RPRD1A: variants seen among roughly 807,000 people sequenced by gnomAD.
RPRD1A encodes regulation of nuclear pre-mRNA domain-containing protein 1A.
RPRD1A carries 9 observed loss-of-function variants against 37.8 expected under a neutral mutation model. That is an observed-to-expected ratio of 0.24 (90% CI 0.14 to 0.42). RPRD1A has a LOEUF of 0.42. Among genes scored for constraint, RPRD1A ranks in the 10% least tolerant of loss-of-function variants. The pLI is 1.00. For synonymous variants in RPRD1A, 138 were observed against 139.7 expected, an observed-to-expected ratio of 0.99 and a Z score of 0.08; for missense variants, 255 against 371.0, an observed-to-expected ratio of 0.69 and a Z score of 2.57.
intron 6 of RPRD1A, among the ~76,000 whole-genome samples, chr18:36,021,193 G>A (rs561250822): frequency 2.0e-5 from 3 of 152,194 alleles, no homozygotes; most frequent in South Asian, 2.1e-4. Context: ...GCCATACCTC[G>A]TTTTATCATG....
intron 6 of RPRD1A, 70 bp from the exon 7 acceptor site, chr18:35,993,370 TA>T: frequency 6.6e-7 from 1 of 1,505,362 alleles, no homozygotes; most frequent in Non-Finnish European, 9.1e-7. Flanking sequence ...ATGACCTACA[TA>T]AACCCAGGTA....
intron 1 of RPRD1A, chr18:36,052,974 G>A (rs1207641983): frequency 1.3e-5 from 2 of 151,970 alleles, no homozygotes; most frequent in Non-Finnish European, 2.9e-5. Context: ...AAGTTTTAAA[G>A]AACCCATCTC....
At chr18:36,049,402 C>T (rs1342704584) in intron 1 of RPRD1A, among the ~76,000 whole-genome samples, 1 of 151,952 alleles carries the variant, frequency 6.6e-6, no homozygotes, top group Non-Finnish European at 1.5e-5. Context: ...ACCCATCACA[C>T]AATCAAAAAC....
chr18:36,060,644 C>T (rs1366784824), intron 1 of RPRD1A, among the ~76,000 whole-genome samples: 4 of 152,042 alleles, frequency 2.6e-5, no homozygotes, highest in Admixed American at 2.6e-4. Flanking sequence ...GGTAAACAAC[C>T]TGAAGGAGCC....
intron 6 of RPRD1A, among the ~76,000 whole-genome samples, chr18:36,007,024 TTCTG>T (rs772834873): frequency 7.0e-4 from 106 of 152,364 alleles, no homozygotes; most frequent in Non-Finnish European, 1.2e-3. Flanking sequence ...CTAGTTTTTC[TTCTG>T]TCTTTTTTTT....
chr18:36,027,389 T>C, intron 4 of RPRD1A, 79 bp from the exon 5 acceptor site: 2 of 1,483,660 alleles, frequency 1.3e-6, no homozygotes, highest in Non-Finnish European at 1.9e-6. Context: ...TATTCTTTCA[T>C]CCCTATGGGC....
At chr18:36,025,067 A>G (rs1342291292) in intron 6 of RPRD1A, 2 of 152,342 alleles carry the variant, frequency 1.3e-5, no homozygotes, top group African/African-American at 4.8e-5. Flanking sequence ...CTGAGAAGAG[A>G]GGGAGCAGAA....
chr18:36,060,926 C>A (rs903063070), intron 1 of RPRD1A, among the ~76,000 whole-genome samples: 1 of 151,688 alleles, frequency 6.6e-6, no homozygotes, highest in Admixed American at 6.6e-5. Context: ...CCCAAGAGTT[C>A]AAGAGCAGCC....
At chr18:36,055,668 T>A (rs910705376) in intron 1 of RPRD1A, among the ~76,000 whole-genome samples, 5 of 119,306 alleles carry the variant, frequency 4.2e-5, no homozygotes, top group Non-Finnish European at 1.0e-4. Flanking sequence ...TATCAAAAAA[T>A]TTGTTCTTAT....
intron 1 of RPRD1A, chr18:36,064,546 C>G (rs565220179): frequency 6.6e-6 from 1 of 152,342 alleles, no homozygotes; most frequent in Admixed American, 6.5e-5. Flanking sequence ...TGTAAACACA[C>G]CAATCAGCAC....
chr18:36,051,651 TA>T (rs1357726903), intron 1 of RPRD1A, among the ~76,000 whole-genome samples: 2 of 152,134 alleles, frequency 1.3e-5, no homozygotes, highest in Non-Finnish European at 2.9e-5. Context: ...AATAAAGAAG[TA>T]AGTTCAGTCC....
chr18:36,064,893 GC>G (rs1365967529), intron 1 of RPRD1A, among the ~76,000 whole-genome samples: 1 of 151,844 alleles, frequency 6.6e-6, no homozygotes, highest in East Asian at 1.9e-4. Flanking sequence ...CCTGAAGCCA[GC>G]GAGACCACGA....
intron 6 of RPRD1A, among the ~76,000 whole-genome samples, chr18:36,024,138 C>T (rs940993572): frequency 1.1e-4 from 17 of 151,404 alleles, no homozygotes; most frequent in East Asian, 3.9e-4. Flanking sequence ...ACAGTTATCT[C>T]GTGTGTGTGT....
intron 1 of RPRD1A, among the ~76,000 whole-genome samples, chr18:36,044,251 G>GA (rs570505577): frequency 8.0e-4 from 121 of 152,138 alleles, no homozygotes; most frequent in African/African-American, 2.7e-3. Context: ...AACTTTTACT[G>GA]AAAAAAATTC....
intron 1 of RPRD1A, among the ~76,000 whole-genome samples, chr18:36,043,472 T>C (rs1912741312): frequency 6.6e-6 from 1 of 152,148 alleles, no homozygotes; most frequent in African/African-American, 2.4e-5. Flanking sequence ...TGCAAATTCC[T>C]GAGAAATTTT....
intron 1 of RPRD1A, among the ~76,000 whole-genome samples, chr18:36,061,263 A>C (rs1050318291): frequency 6.6e-6 from 1 of 152,226 alleles, no homozygotes; most frequent in African/African-American, 2.4e-5. Context: ...ATAAATTCTG[A>C]GGGCAGGGAT....
intron 1 of RPRD1A, among the ~76,000 whole-genome samples, chr18:36,064,712 G>A (rs1175165388): frequency 6.6e-6 from 1 of 152,174 alleles, no homozygotes; most frequent in Non-Finnish European, 1.5e-5. Context: ...CCAGATAAGA[G>A]AATAAAAGCA....
intron 6 of RPRD1A, chr18:36,025,678 T>C: frequency 7.8e-7 from 1 of 1,280,348 alleles, no homozygotes; most frequent in African/African-American, 1.5e-5. Context: ...ATGTCCAATA[T>C]CTGCAACAGA....
At chr18:36,054,698 C>G (rs1913639654) in intron 1 of RPRD1A, among the ~76,000 whole-genome samples, 1 of 152,074 alleles carries the variant, frequency 6.6e-6, no homozygotes, top group South Asian at 2.1e-4. Flanking sequence ...TGCAGGAGAG[C>G]CTAGAGACCC....
Sources: gnomAD v4.1 joint callset for allele counts (sites outside exome capture counted in the v4.1 genomes callset) on GRCh38, gnomAD v4.1.1 for gene constraint, MANE v1.5 for transcripts, NCBI Gene and HGNC (gene_info 2026-07-23, HGNC 2026-07-21) for gene names.